The following MGST2 variants were observed in gnomAD, a reference collection of about 807,000 sequenced individuals.
MGST2 encodes microsomal glutathione S-transferase 2.
Under a neutral mutation model 16.6 loss-of-function variants are expected in MGST2, and 9 were observed. The ratio of observed to expected loss-of-function variants is 0.54; its 90% CI spans 0.33 to 0.95. The LOEUF is 0.95. MGST2 is among the 40% of genes least tolerant of loss of function. The pLI, the probability that MGST2 is intolerant of heterozygous loss-of-function variation, is 0.03. For missense variants in MGST2, 159 were observed against 175.1 expected (o/e 0.91, Z 0.52); for synonymous variants, 79 against 68.0 (o/e 1.16, Z -0.79).
At chr4:139,666,185 G>A (rs1232055571) in intron 1 of MGST2, 108 bp downstream of exon 1, 2 of 1,202,346 alleles carry the variant, frequency 1.7e-6, no homozygotes, top group African/African-American at 1.5e-5. Context: ...CCGGTGTTTT[G>A]TTTCCTACTT....
intron 1 of MGST2, among the ~76,000 whole-genome samples, chr4:139,669,753 A>G (rs1165635499): frequency 6.6e-6 from 1 of 152,218 alleles, no homozygotes; most frequent in African/African-American, 2.4e-5. Context: ...AGGCTGTGAC[A>G]ATTTATTTTA....
downstream of MGST2, among the ~76,000 whole-genome samples, chr4:139,743,562 A>G (rs1474606513): frequency 2.0e-5 from 3 of 152,192 alleles, no homozygotes; most frequent in African/African-American, 7.2e-5. Flanking sequence ...CTAAATATAC[A>G]TGGCTGTAAA....
chr4:139,719,999 C>A (rs1431484356), intron 5 of MGST2: 1 of 1,614,094 alleles, frequency 6.2e-7, no homozygotes, highest in African/African-American at 1.3e-5. Context: ...CTGACCAAAG[C>A]CACTCACCAT....
chr4:139,730,575 G>C (rs778933002), intron 5 of MGST2: 1 of 1,604,906 alleles, frequency 6.2e-7, no homozygotes, highest in South Asian at 1.1e-5. Flanking sequence ...CGGGGCCTGC[G>C]GGACTGGCTC....
At chr4:139,719,955 G>A (rs1054859277) in intron 5 of MGST2, 27 of 1,613,996 alleles carry the variant, frequency 1.7e-5, no homozygotes, top group Non-Finnish European at 2.3e-5. Flanking sequence ...ATCTGTGGAT[G>A]TTGCTGGGTA....
intron 3 of MGST2, chr4:139,698,044 C>G (rs1727025349): frequency 1.4e-6 from 1 of 703,326 alleles, no homozygotes; most frequent in Non-Finnish European, 2.3e-6. Flanking sequence ...CCTTTTGACC[C>G]CATGGAAAAA....
downstream of MGST2, among the ~76,000 whole-genome samples, chr4:139,708,003 G>A (rs1247760013): frequency 6.6e-6 from 1 of 151,912 alleles, no homozygotes; most frequent in Non-Finnish European, 1.5e-5. Flanking sequence ...CCATTCTGTA[G>A]GTTGCCTGTT....
chr4:139,675,620 T>C (rs1048930589), intron 1 of MGST2, among the ~76,000 whole-genome samples: 2 of 152,180 alleles, frequency 1.3e-5, no homozygotes, highest in Admixed American at 6.5e-5. Context: ...GGAGTAAGAA[T>C]TTACCGACAA....
chr4:139,688,072 T>A (rs930894637), intron 2 of MGST2, among the ~76,000 whole-genome samples: 1 of 152,234 alleles, frequency 6.6e-6, no homozygotes, highest in Non-Finnish European at 1.5e-5. Context: ...TTGATTTTCT[T>A]GCAATTTAAA....
downstream of MGST2, among the ~76,000 whole-genome samples, chr4:139,706,440 A>G (rs1169426617): frequency 1.3e-5 from 2 of 152,160 alleles, no homozygotes; most frequent in Non-Finnish European, 2.9e-5. Flanking sequence ...CTATGATTCT[A>G]TGGTCTTTTT....
downstream of MGST2, among the ~76,000 whole-genome samples, chr4:139,742,348 C>T (rs956624528): frequency 6.6e-5 from 10 of 152,240 alleles, no homozygotes; most frequent in Admixed American, 3.3e-4. Flanking sequence ...AGGGTTTCAC[C>T]GTGTTGGCCA....
At chr4:139,691,697 G>GATTATTATTATTATT (rs3841989) in intron 2 of MGST2, among the ~76,000 whole-genome samples, 8 of 137,458 alleles carry the variant, frequency 5.8e-5, no homozygotes, top group African/African-American at 2.5e-4. Flanking sequence ...TGATGATGAT[G>GATTATTATTATTATT]ATTATTATTA....
intron 5 of MGST2, among the ~76,000 whole-genome samples, chr4:139,710,606 A>G (rs555864791): frequency 1.3e-5 from 2 of 152,274 alleles, no homozygotes; most frequent in South Asian, 2.1e-4. Context: ...TGCTAAGCCA[A>G]TATCAAAAGA....
At chr4:139,732,536 C>G (rs1203530727) in intron 5 of MGST2, among the ~76,000 whole-genome samples, 1 of 151,570 alleles carries the variant, frequency 6.6e-6, no homozygotes. Flanking sequence ...GTCACACAAT[C>G]AATGAATGGA....
chr4:139,732,965 A>T (rs967606132), intron 5 of MGST2, among the ~76,000 whole-genome samples: 1 of 152,262 alleles, frequency 6.6e-6, no homozygotes, highest in African/African-American at 2.4e-5. Flanking sequence ...ACACTAAAAA[A>T]TGCCAGGAAC....
At chr4:139,751,574 G>T in the MGST2 span, among the ~76,000 whole-genome samples, 1 of 152,158 alleles carries the variant, frequency 6.6e-6, no homozygotes, top group Non-Finnish European at 1.5e-5. Flanking sequence ...TTGGATTTTG[G>T]AGGATTTTGG....
At chr4:139,700,436 G>C (rs1367316904) in intron 3 of MGST2, among the ~76,000 whole-genome samples, 1 of 152,052 alleles carries the variant, frequency 6.6e-6, no homozygotes, top group East Asian at 1.9e-4. Flanking sequence ...CGGCCACCAG[G>C]TACTGTTTTT....
chr4:139,705,897 C>T (rs114810415), downstream of MGST2, among the ~76,000 whole-genome samples: 2,017 of 152,166 alleles, frequency 0.013, 30 homozygotes, highest in African/African-American at 0.045. Flanking sequence ...TCATTTTCTT[C>T]ATCTGTAAAA....
At position 139,691,459 on chromosome 4, in the gene MGST2, G is replaced by A. The variant is rs565854917; in HGVS notation, c.159-3738G>A. Among the ~76,000 whole-genome samples the A allele has an allele frequency of 1.9e-3, 285 of 152,262 alleles. 2 individuals are homozygous for A. The highest frequency in any genetic ancestry group is 5.4e-3 in the African/African-American group (223 of 41,552). On this transcript the variant is annotated intron_variant, in intron 2 of 4. Coordinates refer to ENST00000265498, the MANE Select transcript of MGST2 (RefSeq NM_002413.5). ...TGCCTGCTGACAGCTTACTGAGGAC[G>A]TGTTATTGTGGGACACCATCCAGGC...
Sources: allele counts gnomAD v4.1 joint callset (sites outside exome capture counted in the v4.1 genomes callset), GRCh38; gene constraint gnomAD v4.1.1; transcripts MANE v1.5; gene names NCBI Gene and HGNC (gene_info 2026-07-23, HGNC 2026-07-21).